SVIL: variants seen among roughly 807,000 people sequenced by gnomAD.
SVIL encodes archvillin.
SVIL carries 101 observed loss-of-function variants against 240.4 expected under a neutral mutation model. The ratio of observed to expected loss-of-function variants is 0.42; its 90% CI spans 0.36 to 0.50. The LOEUF (loss-of-function observed/expected upper bound fraction) is 0.50. Ranked by LOEUF, SVIL falls within the 20% of genes least tolerant of loss-of-function variation. SVIL has a pLI of 0.01. For missense variants in SVIL, 2,512 were observed against 2,818.7 expected (o/e 0.89, Z 2.46); for synonymous variants, 999 against 1,100.0 (o/e 0.91, Z 1.82).
At chr10:29,604,737 T>C (rs767279019) in intron 1 of SVIL, among the ~76,000 whole-genome samples, 22 of 151,776 alleles carry the variant, frequency 1.4e-4, no homozygotes, top group Non-Finnish European at 2.5e-4. Context: ...GCTAATCTTT[T>C]AAAAAAATTT....
intron 1 of SVIL, among the ~76,000 whole-genome samples, chr10:29,714,908 C>A (rs1963521546): frequency 7.1e-6 from 1 of 140,334 alleles, no homozygotes; most frequent in African/African-American, 2.7e-5. Context: ...TGCACCACTG[C>A]ACTCCTGCCT....
intron 22 of SVIL, among the ~76,000 whole-genome samples, chr10:29,490,485 T>G (rs552589130): frequency 2.0e-5 from 3 of 151,878 alleles, no homozygotes; most frequent in South Asian, 4.2e-4. Context: ...CGGTGGCTTG[T>G]GCCTGTAATC....
At chr10:29,708,957 T>C (rs1326868475) in intron 1 of SVIL, among the ~76,000 whole-genome samples, 3 of 151,802 alleles carry the variant, frequency 2.0e-5, no homozygotes, top group Non-Finnish European at 4.4e-5. Flanking sequence ...AATAGAACAG[T>C]ACAAAGATAA....
chr10:29,473,875 A>C lies in SVIL; in HGVS notation c.5492T>G (p.Leu1831Arg), dbSNP rs1945866055. 1.2e-6 allele frequency: 2 copies of C among 1,613,630 alleles called. No homozygotes were observed. The highest frequency in any genetic ancestry group is 2.7e-5 in the African/African-American group (2 of 74,814). ...TTCCTCGTCCAGCTCCACCGTCATC[A>C]GCGCCGACGTGCCCTTCTCACTCAC... is the stretch of plus-strand genomic sequence containing the variant. The part of the protein sequence containing the change: ...STVSEKGTSA[L>R]MTVELDEERG... The change falls in exon 30 of 38, where the codon CTG (leucine) becomes CGG (arginine). Residue 1831 changes from leucine to arginine, a missense_variant. By Grantham distance (102) the Leu-to-Arg change is moderately radical. Around this residue, in one of 3 missense-constraint regions of SVIL, gnomAD observed 797 missense variants for 925.3 expected, o/e 0.86. Coordinates refer to ENST00000355867, the MANE Select transcript of SVIL (RefSeq NM_021738.3).
chr10:29,469,941 A>T (rs1254287496), intron 32 of SVIL, among the ~76,000 whole-genome samples: 2 of 152,146 alleles, frequency 1.3e-5, no homozygotes, highest in Non-Finnish European at 2.9e-5. Flanking sequence ...GCTCCCTTTA[A>T]ATATCAAAGG....
intron 29 of SVIL, among the ~76,000 whole-genome samples, chr10:29,475,864 C>T (rs560025108): frequency 1.3e-5 from 2 of 152,324 alleles, no homozygotes; most frequent in African/African-American, 4.8e-5. Flanking sequence ...AACATTGCAA[C>T]TGTATTGAGG....
At chr10:29,500,071 G>C (rs2132436088) in intron 17 of SVIL, among the ~76,000 whole-genome samples, 1 of 152,250 alleles carries the variant, frequency 6.6e-6, no homozygotes, top group South Asian at 2.1e-4. Context: ...GGACTCAAAG[G>C]GCATCAGGAA....
chr10:29,546,352 C>A (rs192571254), intron 6 of SVIL, among the ~76,000 whole-genome samples: 1 of 152,244 alleles, frequency 6.6e-6, no homozygotes, highest in South Asian at 2.1e-4. Context: ...TCACCTATTT[C>A]GTTACTATGT....
chr10:29,485,796 T>C (rs1339258752), intron 26 of SVIL, among the ~76,000 whole-genome samples: 1 of 152,266 alleles, frequency 6.6e-6, no homozygotes, highest in African/African-American at 2.4e-5. Context: ...ATAATGTTTA[T>C]GCAAAATGCA....
intron 1 of SVIL, among the ~76,000 whole-genome samples, chr10:29,633,663 CTT>C (rs34098641): frequency 1.9e-4 from 29 of 149,174 alleles, no homozygotes; most frequent in East Asian, 3.9e-4. Context: ...AAGAAATAAT[CTT>C]TTTTTTTTTT....
chr10:29,726,056 G>A (rs1479585347), intron 1 of SVIL, among the ~76,000 whole-genome samples: 1 of 152,134 alleles, frequency 6.6e-6, no homozygotes, highest in Non-Finnish European at 1.5e-5. Context: ...CAAGTATCTA[G>A]GACTACAGGT....
intron 2 of SVIL, among the ~76,000 whole-genome samples, chr10:29,673,820 T>G (rs1959993675): frequency 6.6e-6 from 1 of 152,154 alleles, no homozygotes; most frequent in Admixed American, 6.5e-5. Context: ...ACAGCAGTCT[T>G]GCTAAGCAGC....
intron 1 of SVIL, among the ~76,000 whole-genome samples, chr10:29,594,979 C>T (rs1589347527): frequency 6.6e-6 from 1 of 152,356 alleles, no homozygotes; most frequent in Non-Finnish European, 1.5e-5. Context: ...AGGTAAACCC[C>T]TGAAGGGGAG....
intron 1 of SVIL, among the ~76,000 whole-genome samples, chr10:29,624,197 C>T (rs1957777056): frequency 6.7e-6 from 1 of 150,072 alleles, no homozygotes; most frequent in Non-Finnish European, 1.5e-5. Flanking sequence ...TAGCATTTTC[C>T]ATATGGTTTT....
chr10:29,726,076 C>A (rs1022623127), intron 1 of SVIL, among the ~76,000 whole-genome samples: 10 of 152,084 alleles, frequency 6.6e-5, no homozygotes, highest in African/African-American at 2.4e-4. Flanking sequence ...TGTGTGCCAC[C>A]ATGCATGACT....
chr10:29,715,371 G>A (rs1963554898), intron 1 of SVIL, among the ~76,000 whole-genome samples: 2 of 152,128 alleles, frequency 1.3e-5, no homozygotes. Flanking sequence ...ACTTAGCTAA[G>A]GGACAGCTTT....
At chr10:29,613,258 T>C (rs1397293230) in intron 1 of SVIL, among the ~76,000 whole-genome samples, 1 of 151,640 alleles carries the variant, frequency 6.6e-6, no homozygotes, top group Non-Finnish European at 1.5e-5. Context: ...TGATAATCCC[T>C]ACCCTCTGGT....
chr10:29,695,045 G>A (rs1961821398), intron 1 of SVIL, among the ~76,000 whole-genome samples: 1 of 152,090 alleles, frequency 6.6e-6, no homozygotes, highest in Non-Finnish European at 1.5e-5. Context: ...AGTGAATTGG[G>A]GTTCCAGAGC....
Position 29,491,005 on chromosome 10 carries a change from A to G in SVIL, c.4034T>C (p.Val1345Ala), listed in dbSNP as rs756347693. ...CCTAACTGCCCGCTTGTGCTCGGCC[A>G]CGGAAGACGTCAATCTGCGGATGGA... ...DPYAPKLTSS[V>A]AEHKRAVRPK... Residue 1345 changes from valine (V) to alanine (A), a missense_variant, in exon 22 of 38, where the codon GTG becomes GCG. Physicochemically the swap from Val to Ala is moderately conservative, Grantham distance 64. Coordinates refer to ENST00000355867, the MANE Select transcript of SVIL (RefSeq NM_021738.3). 6.2e-7 allele frequency: 1 copy of G among 1,613,778 alleles called. No homozygotes were observed. Among genetic ancestry groups the G allele is most frequent in the East Asian group, 2.2e-5 (1 of 44,868 alleles).
Sources: allele counts gnomAD v4.1 joint callset (sites outside exome capture counted in the v4.1 genomes callset), GRCh38; gene constraint gnomAD v4.1.1; regional missense constraint gnomAD v4.1.1; transcripts MANE v1.5; gene names NCBI Gene and HGNC (gene_info 2026-07-23, HGNC 2026-07-21).